Variants in LPAR1 observed in about 807,000 individuals in gnomAD.
LPAR1 encodes the protein lysophosphatidic acid receptor 1, also known as LPA receptor 1.
In LPAR1, 5 loss-of-function variants were observed where a neutral mutation model predicts 23.8. The observed-to-expected ratio is 0.21, with a 90% CI of 0.11 to 0.44. The LOEUF (loss-of-function observed/expected upper bound fraction) is 0.44. Among genes scored for constraint, LPAR1 ranks in the 20% least tolerant of loss-of-function variants. The probability of loss-of-function intolerance (pLI) is 0.99; values close to 1 mark genes in which losing one functional copy is unlikely to be tolerated. For missense variants in LPAR1, 311 were observed against 482.8 expected (o/e 0.64, Z 3.33); for synonymous variants, 160 against 164.7 (o/e 0.97, Z 0.22).
chr9:110,984,879 AAGG>A (rs1484924005), intron 2 of LPAR1, among the ~76,000 whole-genome samples: 1 of 152,094 alleles, frequency 6.6e-6, no homozygotes, highest in Non-Finnish European at 1.5e-5. Context: ...TCACAAGAAA[AAGG>A]AGAACATTCT....
At chr9:110,901,698 A>G (rs2133861636) in intron 5 of LPAR1, among the ~76,000 whole-genome samples, 1 of 151,924 alleles carries the variant, frequency 6.6e-6, no homozygotes, top group Non-Finnish European at 1.5e-5. Flanking sequence ...ACAATTCAAG[A>G]TGAGATTTGG....
chr9:110,906,150 G>A (rs906182098), intron 5 of LPAR1, among the ~76,000 whole-genome samples: 5 of 151,706 alleles, frequency 3.3e-5, no homozygotes, highest in African/African-American at 7.2e-5. Context: ...CAAGATAGAT[G>A]TTACCTCTAA....
intron 5 of LPAR1, among the ~76,000 whole-genome samples, chr9:110,899,515 G>A (rs1158111295): frequency 6.6e-6 from 1 of 152,150 alleles, no homozygotes; most frequent in African/African-American, 2.4e-5. Context: ...GTAGCTAAAT[G>A]GGAACCGTAA....
intron 2 of LPAR1, among the ~76,000 whole-genome samples, chr9:111,029,704 G>A (rs1189249233): frequency 6.6e-6 from 1 of 151,902 alleles, no homozygotes; most frequent in Non-Finnish European, 1.5e-5. Context: ...ATCGCTCCAT[G>A]TTCATGAGCT....
chr9:111,023,078 C>T (rs894104084), intron 2 of LPAR1, among the ~76,000 whole-genome samples: 1 of 141,510 alleles, frequency 7.1e-6, no homozygotes, highest in East Asian at 2.0e-4. Flanking sequence ...AAAAAAAAAA[C>T]CCTGCTATTT....
chr9:110,976,825 T>G (rs1008692132), intron 2 of LPAR1, among the ~76,000 whole-genome samples: 1 of 152,210 alleles, frequency 6.6e-6, no homozygotes, highest in African/African-American at 2.4e-5. Flanking sequence ...CTTTGTCATC[T>G]ATTTATTTAT....
At chr9:111,028,816 A>G (rs1156439941) in intron 2 of LPAR1, among the ~76,000 whole-genome samples, 1 of 152,166 alleles carries the variant, frequency 6.6e-6, no homozygotes, top group African/African-American at 2.4e-5. Context: ...TGACAGCAAT[A>G]TGAGACTCAC....
chr9:110,949,428 AT>A (rs1392885568), intron 4 of LPAR1, among the ~76,000 whole-genome samples: 6 of 152,184 alleles, frequency 3.9e-5, no homozygotes, highest in African/African-American at 1.2e-4. Flanking sequence ...CATTGTTTCT[AT>A]TCTTTAATGC....
intron 5 of LPAR1, among the ~76,000 whole-genome samples, chr9:110,889,418 C>G (rs1460913553): frequency 6.6e-6 from 1 of 151,994 alleles, no homozygotes; most frequent in Non-Finnish European, 1.5e-5. Context: ...AAAGAAAAGT[C>G]AGGTAAGAAT....
At position 110,988,201 on chromosome 9, in the gene LPAR1, T is replaced by G. The variant is rs1045012537; in HGVS notation, c.-181-14643A>C. On this transcript the variant is annotated intron_variant, in intron 2 of 5. Coordinates refer to ENST00000683809, the MANE Select transcript of LPAR1 (RefSeq NM_001351411.2). ...ATACAAAAGGTGAAAGAATTCATCA[T>G]AAGCAGACGTTGGACCATAAGAAAT... Among the ~76,000 whole-genome samples the G allele has an allele frequency of 4.6e-5, 7 of 152,184 alleles. No individual in the cohort carries two copies. In the South Asian group the frequency reaches 1.4e-3, roughly 32 times the overall value.
chr9:110,875,356 T>C lies in LPAR1; in HGVS notation c.*65A>G. On this transcript the variant is annotated 3_prime_UTR_variant, in exon 6 of 6. Transcript: ENST00000683809. ...CTCACACCCCACCTTGCCCTGGCAA[T>C]TGGGTAGGGGGAGGCTGTTTATCCT... 7.2e-7 allele frequency: 1 copy of C among 1,391,654 alleles called. No homozygotes were observed. Among genetic ancestry groups the C allele is most frequent in the Non-Finnish European group, 9.7e-7 (1 of 1,032,444 alleles). 86.2% of individuals were successfully genotyped at this position (1,391,654 alleles called of 1,614,324 possible).
Position 110,973,527 on chromosome 9 carries a change from TG to T in LPAR1, c.-151del, listed in dbSNP as rs1332751101. 2 of 152,232 alleles carry T rather than the reference TG, an allele frequency of 1.3e-5. No homozygotes were observed. Among genetic ancestry groups the T allele is most frequent in the Non-Finnish European group, 2.9e-5 (2 of 68,006 alleles). The allele number at this position is 152,232 out of a possible 1,614,324, so 9.4% of individuals were successfully genotyped here. A position where few individuals can be genotyped will look rare whatever the true frequency, so the allele number is the denominator to read the frequency against. ...CTGAGAAGTCAGGTACTCAGATAGGTGGATGGGGAGCTTCATAAATCAGACG... is the reference window on the plus strand; with the variant it reads ...CTGAGAAGTCAGGTACTCAGATAGGTGATGGGGAGCTTCATAAATCAGACG... On this transcript the variant is annotated 5_prime_UTR_variant, in exon 3 of 6. It introduces an in-frame stop codon into an upstream open reading frame of the 5' UTR. Transcript: ENST00000683809.
chr9:111,001,629 A>G (rs1457905656), intron 2 of LPAR1, among the ~76,000 whole-genome samples: 1 of 152,206 alleles, frequency 6.6e-6, no homozygotes, highest in Non-Finnish European at 1.5e-5. Context: ...TGACTGGCCT[A>G]GGGGAACTCC....
At chr9:110,963,368 AG>A (rs1012570181) in intron 4 of LPAR1, among the ~76,000 whole-genome samples, 2 of 152,346 alleles carry the variant, frequency 1.3e-5, no homozygotes, top group African/African-American at 2.4e-5. Flanking sequence ...ACATGGTTCA[AG>A]ATGAAGTCAG....
chr9:111,019,556 G>T (rs562217471), intron 2 of LPAR1, among the ~76,000 whole-genome samples: 1 of 152,074 alleles, frequency 6.6e-6, no homozygotes, highest in Non-Finnish European at 1.5e-5. Flanking sequence ...CAAATTAGTG[G>T]AATGTTGTAT....
intron 5 of LPAR1, among the ~76,000 whole-genome samples, chr9:110,910,092 C>T (rs1356881931): frequency 1.3e-5 from 2 of 152,028 alleles, no homozygotes; most frequent in African/African-American, 4.8e-5. Context: ...ACATAACTGA[C>T]CAATAAGTGC....
At chr9:110,890,082 C>A (rs1055184884) in intron 5 of LPAR1, among the ~76,000 whole-genome samples, 1 of 151,818 alleles carries the variant, frequency 6.6e-6, no homozygotes, top group East Asian at 1.9e-4. Context: ...ATAAATATGA[C>A]CAACAAAATA....
intron 5 of LPAR1, among the ~76,000 whole-genome samples, chr9:110,916,245 G>A (rs2093076817): frequency 6.6e-6 from 1 of 152,140 alleles, no homozygotes; most frequent in Non-Finnish European, 1.5e-5. Flanking sequence ...TTTTACAAAT[G>A]AGGAAACTGA....
rs573989466 is a variant in LPAR1, at chr9:110,975,044, T to C, written c.-181-1486A>G. 2.5e-3 allele frequency among the ~76,000 whole-genome samples: 384 copies of C among 152,290 alleles called. 3 individuals are homozygous for C. The highest frequency in any genetic ancestry group is 4.2e-3 in the Non-Finnish European group (289 of 68,030). On this transcript the variant is annotated intron_variant, in intron 2 of 5. Transcript: ENST00000683809. ...TTATAATTCACATTATCTTGCTCTA[T>C]GTGACATAAATGAATATATCAATAA...
Sources: allele counts gnomAD v4.1 joint callset (sites outside exome capture counted in the v4.1 genomes callset), GRCh38; gene constraint gnomAD v4.1.1; transcripts MANE v1.5; gene names NCBI Gene and HGNC (gene_info 2026-07-23, HGNC 2026-07-21).